The following CDH18 variants were observed in gnomAD, a reference collection of about 807,000 sequenced individuals.
CDH18 encodes the protein cadherin 18.
In CDH18, 31 loss-of-function variants were observed where a neutral mutation model predicts 67.9. The ratio of observed to expected loss-of-function variants is 0.46; its 90% CI spans 0.34 to 0.62. CDH18 has a LOEUF of 0.62. Among genes scored for constraint, CDH18 ranks in the 20% least tolerant of loss-of-function variants. CDH18 has a pLI of 0.01. For missense variants in CDH18, 890 were observed against 975.5 expected, an observed-to-expected ratio of 0.91 and a Z score of 1.17; for synonymous variants, 362 against 347.2, an observed-to-expected ratio of 1.04 and a Z score of -0.48.
At chr5:20,564,667 T>C (rs896473525) in intron 1 of CDH18, among the ~76,000 whole-genome samples, 5 of 152,190 alleles carry the variant, frequency 3.3e-5, no homozygotes, top group Non-Finnish European at 7.3e-5. Context: ...GCATAACATC[T>C]TGCATTTAAA....
At chr5:19,787,809 T>TTATATATATATATATATATA (rs35850823) in intron 3 of CDH18, among the ~76,000 whole-genome samples, 1,443 of 143,960 alleles carry the variant, frequency 0.01, 8 homozygotes, top group Non-Finnish European at 0.012. Context: ...TAATTTACAG[T>TTATATATATATATATATATA]TATATATATA....
At chr5:19,730,258 A>G (rs1025641103) in intron 4 of CDH18, among the ~76,000 whole-genome samples, 80 of 152,000 alleles carry the variant, frequency 5.3e-4, no homozygotes, top group South Asian at 1.2e-3. Flanking sequence ...AATTTTCTCT[A>G]TTTGTCTAAC....
intron 1 of CDH18, among the ~76,000 whole-genome samples, chr5:20,571,685 T>G (rs1019701901): frequency 6.6e-6 from 1 of 152,112 alleles, no homozygotes; most frequent in African/African-American, 2.4e-5. Flanking sequence ...GGAGATATCT[T>G]TACCATTTTC....
intron 1 of CDH18, among the ~76,000 whole-genome samples, chr5:20,385,585 T>C (rs1446305871): frequency 6.6e-6 from 1 of 152,204 alleles, no homozygotes; most frequent in Non-Finnish European, 1.5e-5. Flanking sequence ...GAAAACGTTA[T>C]GGCTCCCAGG....
chr5:20,143,390 T>C (rs1750394752), intron 2 of CDH18, among the ~76,000 whole-genome samples: 1 of 152,062 alleles, frequency 6.6e-6, no homozygotes. Flanking sequence ...TTATTAGATA[T>C]GGAGTCTTGC....
At chr5:20,354,632 G>A (rs1349648588) in intron 1 of CDH18, among the ~76,000 whole-genome samples, 6 of 152,146 alleles carry the variant, frequency 3.9e-5, no homozygotes, top group East Asian at 3.9e-4. Flanking sequence ...AGCTTGTCTC[G>A]AACCCCTGAA....
chr5:20,295,859 C>CTTTCT (rs1747454153), intron 1 of CDH18, among the ~76,000 whole-genome samples: 1 of 133,380 alleles, frequency 7.5e-6, no homozygotes, highest in Non-Finnish European at 1.6e-5. Flanking sequence ...ATTTTATTTT[C>CTTTCT]TTTCTTTTTT....
At chr5:20,458,990 C>T (rs900156039) in intron 1 of CDH18, among the ~76,000 whole-genome samples, 2 of 151,774 alleles carry the variant, frequency 1.3e-5, no homozygotes, top group African/African-American at 4.8e-5. Context: ...AACCAATTTC[C>T]TAAAAAAAAG....
At chr5:20,366,210 A>G (rs926406194) in intron 1 of CDH18, among the ~76,000 whole-genome samples, 5 of 152,114 alleles carry the variant, frequency 3.3e-5, no homozygotes, top group Admixed American at 3.3e-4. Flanking sequence ...CACCTCCTTT[A>G]TCTCCAGTGC....
At chr5:19,505,756 C>G (rs144283430) in intron 10 of CDH18, among the ~76,000 whole-genome samples, 15,420 of 152,022 alleles carry the variant, frequency 0.1, 1,273 homozygotes, top group African/African-American at 0.23. Flanking sequence ...CGATGTTCAT[C>G]AGGGATATTG....
At chr5:19,812,382 G>A (rs964985477) in intron 3 of CDH18, among the ~76,000 whole-genome samples, 1 of 152,120 alleles carries the variant, frequency 6.6e-6, no homozygotes, top group African/African-American at 2.4e-5. Flanking sequence ...GGTGTATTAT[G>A]AAAGTGCATG....
chr5:19,803,354 T>G (rs1777664100), intron 3 of CDH18, among the ~76,000 whole-genome samples: 1 of 152,224 alleles, frequency 6.6e-6, no homozygotes, highest in Non-Finnish European at 1.5e-5. Context: ...TTCTTCCTAA[T>G]TAGTCTAAAC....
intron 3 of CDH18, among the ~76,000 whole-genome samples, chr5:19,800,835 C>T (rs927631136): frequency 6.6e-6 from 1 of 152,072 alleles, no homozygotes; most frequent in Non-Finnish European, 1.5e-5. Flanking sequence ...TTTATTTTTC[C>T]ATGACAGGCA....
intron 2 of CDH18, among the ~76,000 whole-genome samples, chr5:19,969,782 C>G (rs954570321): frequency 1.3e-5 from 2 of 151,610 alleles, no homozygotes. Flanking sequence ...CAGCATGGCA[C>G]ATGTATACAT....
At position 20,501,559 on chromosome 5, in the gene CDH18, A is replaced by ATATATATATTATATACATAT. The variant is rs1754290597; in HGVS notation, c.-580+73902_-580+73903insATATGTATATAATATATATA. On this transcript the variant is annotated intron_variant, in intron 1 of 14. Coordinates refer to the CDH18 transcript ENST00000507958. ...ATTATATACATATTATATATATAAT[A>ATATATATATTATATACATAT]TATATATATAATATATATATATTAT... Among the ~76,000 whole-genome samples the ATATATATATTATATACATAT allele has an allele frequency of 3.2e-4, 8 of 24,984 alleles. 1 individual carries two copies. The highest frequency in any genetic ancestry group is 1.2e-3 in the African/African-American group (8 of 6,834). 16.4% of individuals were successfully genotyped at this position (24,984 alleles called of 152,430 possible). A position where few individuals can be genotyped will look rare whatever the true frequency, so the allele number is the denominator to read the frequency against.
At chr5:19,794,566 CCT>C (rs944452112) in intron 3 of CDH18, among the ~76,000 whole-genome samples, 1 of 151,572 alleles carries the variant, frequency 6.6e-6, no homozygotes, top group Non-Finnish European at 1.5e-5. Flanking sequence ...TTTTTCTCTC[CCT>C]CTCTCTCTTT....
At chr5:20,500,846 T>G (rs1313880541) in intron 1 of CDH18, among the ~76,000 whole-genome samples, 1 of 152,174 alleles carries the variant, frequency 6.6e-6, no homozygotes, top group Non-Finnish European at 1.5e-5. Flanking sequence ...ACTGTTACAG[T>G]GTTTGATTGT....
intron 4 of CDH18, among the ~76,000 whole-genome samples, chr5:19,738,634 C>G (rs1046453345): frequency 6.6e-6 from 1 of 152,134 alleles, no homozygotes; most frequent in African/African-American, 2.4e-5. Flanking sequence ...TAAGTATTTT[C>G]TCTTGCAAAT....
At chr5:19,690,225 A>G (rs1761683375) in intron 5 of CDH18, among the ~76,000 whole-genome samples, 1 of 151,586 alleles carries the variant, frequency 6.6e-6, no homozygotes, top group Admixed American at 6.6e-5. Flanking sequence ...GAAAATTAAG[A>G]AGAATAATTT....
Sources: gnomAD v4.1 joint callset for allele counts (sites outside exome capture counted in the v4.1 genomes callset) on GRCh38, gnomAD v4.1.1 for gene constraint, MANE v1.5 for transcripts, NCBI Gene and HGNC (gene_info 2026-07-23, HGNC 2026-07-21) for gene names.